Variants in ADGRL3 observed in about 807,000 individuals in gnomAD.
ADGRL3 encodes adhesion G protein-coupled receptor L3.
Under a neutral mutation model 153.5 loss-of-function variants are expected in ADGRL3, and 62 were observed. The observed-to-expected ratio is 0.40, with a 90% CI of 0.33 to 0.50. ADGRL3 has a LOEUF of 0.50. Among genes scored for constraint, ADGRL3 ranks in the 20% least tolerant of loss-of-function variants. The pLI is 0.47. For synonymous variants in ADGRL3, 710 were observed against 672.5 expected (o/e 1.06, Z -0.86); for missense variants, 1,641 against 1,859.4 (o/e 0.88, Z 2.16).
chr4:61,878,688 T>C (rs2098490673), intron 9 of ADGRL3, among the ~76,000 whole-genome samples: 1 of 152,198 alleles, frequency 6.6e-6, no homozygotes, highest in African/African-American at 2.4e-5. Context: ...TCAACTATTA[T>C]TTGACCCCTC....
chr4:61,586,121 G>T (rs2098945618), intron 4 of ADGRL3, among the ~76,000 whole-genome samples: 2 of 151,990 alleles, frequency 1.3e-5, no homozygotes, highest in African/African-American at 4.8e-5. Context: ...TTTTGAAGAA[G>T]AAAGTATTGT....
chr4:61,265,647 A>G (rs372070067), intron 1 of ADGRL3, among the ~76,000 whole-genome samples: 1 of 151,918 alleles, frequency 6.6e-6, no homozygotes, highest in African/African-American at 2.4e-5. Context: ...GAAATGGACA[A>G]GTTTTGAAAT....
chr4:62,006,486 A>G (rs2099159699), intron 21 of ADGRL3, among the ~76,000 whole-genome samples: 1 of 151,678 alleles, frequency 6.6e-6, no homozygotes, highest in South Asian at 2.1e-4. Context: ...TTTTTTTGCA[A>G]GATAACTTGC....
intron 5 of ADGRL3, among the ~76,000 whole-genome samples, chr4:61,676,143 A>C (rs1360770870): frequency 6.6e-6 from 1 of 151,888 alleles, no homozygotes; most frequent in Non-Finnish European, 1.5e-5. Flanking sequence ...TTCTTTTTAT[A>C]AATTTAAATT....
chr4:61,464,251 A>G (rs1252740468), intron 2 of ADGRL3, among the ~76,000 whole-genome samples: 1 of 152,152 alleles, frequency 6.6e-6, no homozygotes, highest in African/African-American at 2.4e-5. Flanking sequence ...ACAAATTTAC[A>G]TTTTCAAAAC....
intron 2 of ADGRL3, among the ~76,000 whole-genome samples, chr4:61,416,517 A>G (rs2097146602): frequency 6.6e-6 from 1 of 152,224 alleles, no homozygotes; most frequent in South Asian, 2.1e-4. Flanking sequence ...TAGTATATGT[A>G]GGAGTAATAT....
chr4:61,575,214 ATGTC>A (rs2098865765), intron 4 of ADGRL3, among the ~76,000 whole-genome samples: 1 of 151,974 alleles, frequency 6.6e-6, no homozygotes, highest in Non-Finnish European at 1.5e-5. Flanking sequence ...ATTCAAGTAA[ATGTC>A]TGTTTTTAAT....
intron 8 of ADGRL3, among the ~76,000 whole-genome samples, chr4:61,783,730 A>T (rs1444837556): frequency 6.6e-6 from 1 of 152,138 alleles, no homozygotes; most frequent in East Asian, 1.9e-4. Flanking sequence ...AGTTATGCCA[A>T]ATAACAAAAT....
chr4:61,994,831 A>G (rs1474321624), intron 19 of ADGRL3, among the ~76,000 whole-genome samples: 1 of 151,912 alleles, frequency 6.6e-6, no homozygotes, highest in Admixed American at 6.6e-5. Flanking sequence ...GTGTATGTTT[A>G]ACATGTATAT....
At chr4:61,361,052 T>G (rs1474017908) in intron 1 of ADGRL3, among the ~76,000 whole-genome samples, 2 of 152,180 alleles carry the variant, frequency 1.3e-5, no homozygotes, top group African/African-American at 4.8e-5. Context: ...TAGGAGCACT[T>G]ATGGCTCACT....
intron 25 of ADGRL3, among the ~76,000 whole-genome samples, chr4:62,054,410 T>G (rs1056517504): frequency 1.3e-5 from 2 of 151,622 alleles, no homozygotes; most frequent in Non-Finnish European, 3.0e-5. Flanking sequence ...CTTAAGCAGT[T>G]GGAAAACCTA....
At chr4:61,886,853 G>A (rs550893430) in intron 9 of ADGRL3, among the ~76,000 whole-genome samples, 2 of 151,586 alleles carry the variant, frequency 1.3e-5, no homozygotes, top group Admixed American at 6.6e-5. Flanking sequence ...AGCCATGTTG[G>A]CCAGGCTGGT....
At chr4:61,316,297 G>T (rs2095211011) in intron 1 of ADGRL3, among the ~76,000 whole-genome samples, 1 of 152,156 alleles carries the variant, frequency 6.6e-6, no homozygotes, top group African/African-American at 2.4e-5. Flanking sequence ...GGGTAGGAAA[G>T]ACCAGTGTGG....
intron 1 of ADGRL3, among the ~76,000 whole-genome samples, chr4:61,333,592 AT>A (rs1003612520): frequency 8.6e-5 from 13 of 150,680 alleles, no homozygotes; most frequent in African/African-American, 2.2e-4. Context: ...CACTTTTTGT[AT>A]TTTTTTTTCT....
chr4:61,467,725 A>T (rs566161930), intron 2 of ADGRL3, among the ~76,000 whole-genome samples: 1 of 152,304 alleles, frequency 6.6e-6, no homozygotes, highest in South Asian at 2.1e-4. Flanking sequence ...AAGTTTGATT[A>T]ATTTTCAGTA....
intron 2 of ADGRL3, among the ~76,000 whole-genome samples, chr4:61,419,658 A>G (rs4860414): frequency 0.54 from 82,307 of 152,166 alleles, 24,594 homozygotes; most frequent in Admixed American, 0.7. Context: ...CATCAACATT[A>G]CAGTGAAAGA....
chr4:61,274,436 C>T (rs1341398827), intron 1 of ADGRL3, among the ~76,000 whole-genome samples: 1 of 152,120 alleles, frequency 6.6e-6, no homozygotes, highest in Non-Finnish European at 1.5e-5. Flanking sequence ...CATCAAATTC[C>T]TTGTAACACT....
At chr4:61,781,341 AAAAAAAG>A (rs1375992577) in intron 8 of ADGRL3, among the ~76,000 whole-genome samples, 1 of 151,732 alleles carries the variant, frequency 6.6e-6, no homozygotes, top group African/African-American at 2.4e-5. Context: ...CAAAAAAAAA[AAAAAAAG>A]AAAAGAAAAG....
intron 24 of ADGRL3, 88 bp from the exon 25 acceptor site, chr4:62,044,365 A>G (rs1325405557): frequency 1.7e-5 from 15 of 885,686 alleles, no homozygotes; most frequent in East Asian, 2.6e-5. Context: ...AAGGTCTCAT[A>G]TAATTATGAC....
Sources: gnomAD v4.1 joint callset for allele counts (sites outside exome capture counted in the v4.1 genomes callset) on GRCh38, gnomAD v4.1.1 for gene constraint, MANE v1.5 for transcripts, NCBI Gene and HGNC (gene_info 2026-07-23, HGNC 2026-07-21) for gene names.